SLC38A4: variants seen among roughly 807,000 people sequenced by gnomAD.
The protein encoded by SLC38A4 is sodium-coupled neutral amino acid transporter 4.
SLC38A4 carries 20 observed loss-of-function variants against 63.1 expected under a neutral mutation model. The ratio of observed to expected loss-of-function variants is 0.32; its 90% CI spans 0.22 to 0.46. The LOEUF is 0.46. Among genes scored for constraint, SLC38A4 ranks in the 20% least tolerant of loss-of-function variants. The pLI, the probability that SLC38A4 is intolerant of heterozygous loss-of-function variation, is 1.00. For missense variants in SLC38A4, 526 were observed against 663.6 expected, an observed-to-expected ratio of 0.79 and a Z score of 2.28; for synonymous variants, 230 against 225.5, an observed-to-expected ratio of 1.02 and a Z score of -0.18.
Position 46,779,796 on chromosome 12 carries a change from C to G in SLC38A4, c.642G>C (p.Ser214=), listed in dbSNP as rs138696543. 7 of 1,610,442 alleles carry G rather than the reference C, an allele frequency of 4.3e-6. No individual in the cohort carries two copies. The highest frequency in any genetic ancestry group is 2.2e-5 in the East Asian group (1 of 44,682). ...FVSVGIILPL[S]LLKNLGYLGY... is the part of the protein sequence containing the mutation. ...TATCTTTACCTAAATTTTTAAGGAG[C>G]GAAAGTGGAAGAATAATTCCAACAG... Residue 214 remains serine (S), a synonymous_variant, in exon 9 of 17, where the codon TCG becomes TCC. Transcript: ENST00000266579.
intron 15 of SLC38A4, among the ~76,000 whole-genome samples, chr12:46,768,798 A>T (rs917330443): frequency 6.6e-6 from 1 of 152,088 alleles, no homozygotes; most frequent in Non-Finnish European, 1.5e-5. Context: ...TTTAAAGTTT[A>T]AGTAAACCCT....
chr12:46,770,453 T>C (rs1328451168), intron 14 of SLC38A4, among the ~76,000 whole-genome samples: 1 of 152,068 alleles, frequency 6.6e-6, no homozygotes, highest in Non-Finnish European at 1.5e-5. Context: ...TCTAGCTTAG[T>C]GTTGTGCACA....
intron 1 of SLC38A4, among the ~76,000 whole-genome samples, chr12:46,816,721 A>G (rs990938991): frequency 7.9e-5 from 12 of 151,926 alleles, no homozygotes; most frequent in Admixed American, 4.6e-4. Flanking sequence ...AGTGGAGAAT[A>G]AAGGAGTAAT....
At position 46,779,867 on chromosome 12, in the gene SLC38A4, AAGTG is replaced by A; in HGVS notation, c.576-9_576-6del. The A allele has an allele frequency of 1.9e-6, 3 of 1,611,800 alleles. No homozygotes were observed. The highest frequency in any genetic ancestry group is 2.5e-6 in the Non-Finnish European group (3 of 1,178,606). On this transcript the variant is annotated splice_region_variant and splice_polypyrimidine_tract_variant and intron_variant, in intron 8 of 16. Coordinates refer to ENST00000266579, the MANE Select transcript of SLC38A4 (RefSeq NM_018018.5). ...TTGCCATTGAGGTACCATTCTCTAG[AAGTG>A]AGAGACAAGGATATTAGAATCAGAA... is the stretch of plus-strand genomic sequence containing the variant.
intron 1 of SLC38A4, among the ~76,000 whole-genome samples, chr12:46,811,149 C>T (rs1370401908): frequency 6.6e-6 from 1 of 151,894 alleles, no homozygotes; most frequent in Non-Finnish European, 1.5e-5. Flanking sequence ...CTACATGTGC[C>T]AGATTTTATG....
intron 14 of SLC38A4, among the ~76,000 whole-genome samples, chr12:46,771,496 A>T (rs1372471963): frequency 2.0e-5 from 3 of 151,972 alleles, no homozygotes; most frequent in Non-Finnish European, 4.4e-5. Context: ...TCCCAGAAAG[A>T]TTAACATTTG....
chr12:46,770,819 T>G lies in SLC38A4; in HGVS notation c.1300-1391A>C, dbSNP rs1938402718. ...GGAGTTCACATTTTTGGAAATGCTG[T>G]GATTGATGTTCACTTTAAAATTTTA... On this transcript the variant is annotated intron_variant, in intron 14 of 16. Transcript: ENST00000266579. Among the ~76,000 whole-genome samples the G allele has an allele frequency of 2.0e-5, 3 of 152,132 alleles. No homozygotes were observed. The South Asian group carries it at 6.2e-4, about 31-fold the overall frequency.
chr12:46,779,610 C>A lies in SLC38A4; in HGVS notation c.717+1G>T. 1 of 1,601,942 alleles carries A rather than the reference C, an allele frequency of 6.2e-7. No homozygotes were observed. The highest frequency in any genetic ancestry group is 1.1e-5 in the South Asian group (1 of 87,954). On this transcript the variant is annotated splice_donor_variant, in intron 10 of 16. Coordinates refer to ENST00000266579, the MANE Select transcript of SLC38A4 (RefSeq NM_018018.5). LOFTEE classifies it high-confidence loss of function. ...AAGGATCATGTCATCACATCACTTA[C>A]CACACTAACAAAAAACACCATGCAG...
chr12:46,806,752 CTA>C (rs1329718012), intron 1 of SLC38A4, among the ~76,000 whole-genome samples: 1 of 151,990 alleles, frequency 6.6e-6, no homozygotes, highest in African/African-American at 2.4e-5. Flanking sequence ...TTTCATCAAT[CTA>C]TGACTATCAC....
intron 16 of SLC38A4, 66 bp from the exon 17 acceptor site, chr12:46,766,868 G>T: frequency 9.0e-7 from 1 of 1,110,626 alleles, no homozygotes; most frequent in Non-Finnish European, 1.3e-6. Flanking sequence ...TTTTTTAGTT[G>T]TTTACATAAT....
intron 1 of SLC38A4, among the ~76,000 whole-genome samples, chr12:46,818,313 C>T (rs1022478799): frequency 2.6e-5 from 4 of 151,792 alleles, no homozygotes; most frequent in African/African-American, 9.7e-5. Context: ...CTATGAACCA[C>T]CTTTATATGA....
At chr12:46,787,316 C>T (rs1200564996) in intron 5 of SLC38A4, among the ~76,000 whole-genome samples, 1 of 152,094 alleles carries the variant, frequency 6.6e-6, no homozygotes, top group Non-Finnish European at 1.5e-5. Flanking sequence ...ACAAATGGCA[C>T]TAAAACATTA....
In SLC38A4 at chr12:46,789,647, G is replaced by C. The variant is rs12317419; in HGVS notation, c.120-1029C>G. On this transcript the variant is annotated intron_variant, in intron 3 of 16. Transcript: ENST00000266579. ...ACTGCAAAATGTCACAGACTTTTTA[G>C]TTGTTTTTATATAAAATGCTCGACT... Among the ~76,000 whole-genome samples, 888 of 152,266 alleles carry C rather than the reference G, an allele frequency of 5.8e-3. 9 individuals are homozygous for C. The highest frequency in any genetic ancestry group is 0.02 in the African/African-American group (833 of 41,552).
chr12:46,772,829 A>G (rs1427702898), intron 14 of SLC38A4, among the ~76,000 whole-genome samples: 1 of 152,082 alleles, frequency 6.6e-6, no homozygotes, highest in Non-Finnish European at 1.5e-5. Flanking sequence ...ATAGATTTTA[A>G]TTCAGATTAG....
chr12:46,789,796 G>A lies in SLC38A4; in HGVS notation c.120-1178C>T, dbSNP rs542557395. ...TTGTTCTATTAATATAATCCTAGAG[G>A]CCAGGCACAGTGGCTCACGCCTGTA... On this transcript the variant is annotated intron_variant, in intron 3 of 16. Coordinates refer to ENST00000266579, the MANE Select transcript of SLC38A4 (RefSeq NM_018018.5). Among the ~76,000 whole-genome samples the A allele has an allele frequency of 7.9e-4, 121 of 152,242 alleles. 2 individuals are homozygous for A. Among genetic ancestry groups the A allele is most frequent in the African/African-American group, 2.6e-3 (106 of 41,542 alleles).
At position 46,778,595 on chromosome 12, in the gene SLC38A4, T is replaced by C; in HGVS notation, c.899A>G (p.Asn300Ser). 2 of 1,613,110 alleles carry C rather than the reference T, an allele frequency of 1.2e-6. No individual in the cohort carries two copies. Among genetic ancestry groups the C allele is most frequent in the African/African-American group, 2.7e-5 (2 of 74,984 alleles). Reference protein sequence around the residue: ...THRNPAGLDENQAKGSLHDSG... With the variant: ...THRNPAGLDESQAKGSLHDSG... ...GTCATGAAGAGAGCCCTTGGCCTGG[T>C]TCTCATCCAGCCCTGCAGGATTGCG... The change falls in exon 11 of 17, where the codon AAC (asparagine) becomes AGC (serine). Residue 300 changes from asparagine (N) to serine (S), a missense_variant. By Grantham distance (46) the Asn-to-Ser change is conservative. Coordinates refer to ENST00000266579, the MANE Select transcript of SLC38A4 (RefSeq NM_018018.5).
intron 1 of SLC38A4, among the ~76,000 whole-genome samples, chr12:46,808,683 A>G (rs1323259789): frequency 2.6e-5 from 4 of 152,056 alleles, no homozygotes; most frequent in Non-Finnish European, 5.9e-5. Context: ...CCACCTAAGC[A>G]GAAATGTAAT....
rs1938847102 is a variant in SLC38A4, at chr12:46,789,884, C to G, written c.120-1266G>C. Reference sequence around the variant, plus strand: ...TTGAGGTCAGGAGTTCAAGACCAGCCTGGCCAACATGGTGAAACTTCGTCT... The same window carrying G: ...TTGAGGTCAGGAGTTCAAGACCAGCGTGGCCAACATGGTGAAACTTCGTCT... On this transcript the variant is annotated intron_variant, in intron 3 of 16. Transcript: ENST00000266579. Among the ~76,000 whole-genome samples, 6 of 152,188 alleles carry G rather than the reference C, an allele frequency of 3.9e-5. No homozygotes were observed. In the South Asian group the frequency reaches 1.2e-3, roughly 32 times the overall value.
chr12:46,765,425 A>G lies in SLC38A4; in HGVS notation c.*1276T>C, dbSNP rs777578540. On this transcript the variant is annotated 3_prime_UTR_variant, in exon 17 of 17. Transcript: ENST00000266579. ...TAAACTGAACTAAATCCTATTTTAGATATGCTAAATTAAAAGAACAACTTT... is the reference window on the plus strand; with the variant it reads ...TAAACTGAACTAAATCCTATTTTAGGTATGCTAAATTAAAAGAACAACTTT... 6 of 348,364 alleles carry G rather than the reference A, an allele frequency of 1.7e-5. No homozygotes were observed. The highest frequency in any genetic ancestry group is 4.0e-4 in the Middle Eastern group (1 of 2,524). The allele number at this position is 348,364 out of a possible 1,614,324, so 21.6% of individuals were successfully genotyped here.
Sources: allele counts gnomAD v4.1 joint callset (sites outside exome capture counted in the v4.1 genomes callset), GRCh38; gene constraint gnomAD v4.1.1; transcripts MANE v1.5; gene names NCBI Gene and HGNC (gene_info 2026-07-23, HGNC 2026-07-21).